CPEB4: variants seen among roughly 807,000 people sequenced by gnomAD.
CPEB4 encodes cytoplasmic polyadenylation element binding protein 4.
In CPEB4, 12 loss-of-function variants were observed where a neutral mutation model predicts 72.5. That is an observed-to-expected ratio of 0.17 (90% CI 0.11 to 0.27). CPEB4 has a LOEUF of 0.27. CPEB4 is among the 10% of genes least tolerant of loss of function. The probability of loss-of-function intolerance (pLI) is 1.00; values close to 1 mark genes in which losing one functional copy is unlikely to be tolerated. For synonymous variants in CPEB4, 302 were observed against 326.3 expected (o/e 0.93, Z 0.80); for missense variants, 614 against 908.5 (o/e 0.68, Z 4.17).
chr5:173,951,177 A>G (rs59755656), intron 7 of CPEB4, among the ~76,000 whole-genome samples: 35,874 of 152,060 alleles, frequency 0.24, 5,166 homozygotes, highest in Non-Finnish European at 0.31. Context: ...GTTGGTGTGC[A>G]TATTTGGGAA....
intron 1 of CPEB4, among the ~76,000 whole-genome samples, chr5:173,897,905 A>G (rs73806652): frequency 0.014 from 2,115 of 152,286 alleles, 53 homozygotes; most frequent in African/African-American, 0.047. Flanking sequence ...CTATGACAAA[A>G]TGGTACCACA....
intron 3 of CPEB4, among the ~76,000 whole-genome samples, chr5:173,934,101 C>T (rs1321329175): frequency 6.6e-6 from 1 of 152,068 alleles, no homozygotes; most frequent in East Asian, 1.9e-4. Flanking sequence ...GGGAGGATTG[C>T]TTGGGCCGAG....
intron 4 of CPEB4, among the ~76,000 whole-genome samples, chr5:173,944,744 C>G (rs1276771696): frequency 1.3e-5 from 2 of 152,138 alleles, no homozygotes; most frequent in African/African-American, 4.8e-5. Context: ...CAGTGGGATA[C>G]TTGAGTCGCC....
Position 173,958,982 on chromosome 5 carries a change from C to G in CPEB4, c.*2845C>G, listed in dbSNP as rs977972580. ...CTAATATTTACTTGTGATTGTGTGA[C>G]AAGTGTGTTTACAGATTATTGGTTA... On this transcript the variant is annotated 3_prime_UTR_variant, in exon 10 of 10. Transcript: ENST00000265085. 1 of 152,712 alleles carries G rather than the reference C, an allele frequency of 6.5e-6. No individual in the cohort carries two copies. Among genetic ancestry groups the G allele is most frequent in the African/African-American group, 2.4e-5 (1 of 41,428 alleles). The allele number at this position is 152,712 out of a possible 1,614,324, so 9.5% of individuals were successfully genotyped here.
chr5:173,917,130 T>C (rs915709215), intron 2 of CPEB4, among the ~76,000 whole-genome samples: 4 of 152,198 alleles, frequency 2.6e-5, no homozygotes, highest in African/African-American at 9.7e-5. Context: ...TGCTAAATTT[T>C]GTCACTTATT....
Position 173,943,108 on chromosome 5 carries a change from T to C in CPEB4, c.1282+59T>C. 3 of 1,543,954 alleles carry C rather than the reference T, an allele frequency of 1.9e-6. No individual in the cohort carries two copies. The South Asian group carries it at 3.5e-5, about 18-fold the overall frequency. On this transcript the variant is annotated intron_variant, in intron 4 of 9. Coordinates refer to ENST00000265085, the MANE Select transcript of CPEB4 (RefSeq NM_030627.4). The stretch of plus-strand genomic sequence containing the variant: ...TGTATTTGGAGACGACCCAAGCTTG[T>C]TTAATTTCTAACCTTTGTGGGGAAG...
intron 3 of CPEB4, among the ~76,000 whole-genome samples, chr5:173,937,723 C>T (rs1197412958): frequency 2.6e-5 from 4 of 152,084 alleles, no homozygotes; most frequent in Admixed American, 2.0e-4. Flanking sequence ...TTGTGTTTTT[C>T]ATTATTCTCT....
At chr5:173,903,849 A>G (rs1756327068) in intron 1 of CPEB4, among the ~76,000 whole-genome samples, 1 of 150,668 alleles carries the variant, frequency 6.6e-6, no homozygotes, top group South Asian at 2.1e-4. Context: ...TACTAAAAAC[A>G]AGGGTCCTCT....
At chr5:173,918,763 T>TA (rs1382300206) in intron 2 of CPEB4, among the ~76,000 whole-genome samples, 1 of 152,264 alleles carries the variant, frequency 6.6e-6, no homozygotes, top group Non-Finnish European at 1.5e-5. Context: ...CCCTTGTTTT[T>TA]ATTTGGTCTG....
chr5:173,907,760 A>G (rs1016485169), intron 1 of CPEB4, among the ~76,000 whole-genome samples: 1 of 152,234 alleles, frequency 6.6e-6, no homozygotes, highest in Non-Finnish European at 1.5e-5. Context: ...TTACATCATG[A>G]CACACATAGA....
intron 1 of CPEB4, among the ~76,000 whole-genome samples, chr5:173,901,474 A>G (rs1420716223): frequency 2.0e-5 from 3 of 152,214 alleles, no homozygotes; most frequent in Non-Finnish European, 1.5e-5. Context: ...GATAATTACC[A>G]CTTTAACTTT....
rs1478367354 is a variant in CPEB4, at chr5:173,944,984, C to T, written c.1300C>T (p.Pro434Ser). 6.2e-7 allele frequency: 1 copy of T among 1,612,568 alleles called. No homozygotes were observed. Among genetic ancestry groups the T allele is most frequent in the Admixed American group, 1.7e-5 (1 of 59,948 alleles). ...GRRRGQSSLF[P>S]MEDGFLDDGR... ...TATTCCAGGTCAGTCTTCACTGTTTCCAATGGAAGATGGATTCTTGGATGA... is the reference window on the plus strand; with the variant it reads ...TATTCCAGGTCAGTCTTCACTGTTTTCAATGGAAGATGGATTCTTGGATGA... The change falls in exon 5 of 10, where the codon CCA becomes TCA. Residue 434 changes from proline to serine, a missense_variant. Physicochemically the swap from Pro to Ser is moderately conservative, Grantham distance 74 (BLOSUM62 -1). This residue lies in a region of CPEB4 where 458 missense variants were observed against 548.6 expected (regional missense o/e 0.83). Transcript: ENST00000265085.
At chr5:173,916,693 G>A (rs922348517) in intron 2 of CPEB4, among the ~76,000 whole-genome samples, 1 of 152,114 alleles carries the variant, frequency 6.6e-6, no homozygotes, top group Non-Finnish European at 1.5e-5. Context: ...TTAAATGAGT[G>A]GGCAAGTGAT....
intron 2 of CPEB4, among the ~76,000 whole-genome samples, chr5:173,924,046 C>T (rs1432113574): frequency 1.3e-5 from 2 of 152,124 alleles, no homozygotes; most frequent in Non-Finnish European, 2.9e-5. Flanking sequence ...TTCGCACCTG[C>T]CCCGAGTTGT....
At chr5:173,933,611 G>A (rs1287462207) in intron 3 of CPEB4, among the ~76,000 whole-genome samples, 1 of 152,200 alleles carries the variant, frequency 6.6e-6, no homozygotes, top group Non-Finnish European at 1.5e-5. Flanking sequence ...AAACCCAGTG[G>A]CGACAGTGGC....
intron 2 of CPEB4, among the ~76,000 whole-genome samples, chr5:173,930,215 G>A (rs939930362): frequency 1.3e-4 from 20 of 152,154 alleles, no homozygotes; most frequent in Middle Eastern, 3.4e-3. Flanking sequence ...GCACCACCAC[G>A]CCTGGCTAAT....
At chr5:173,941,242 A>G (rs563929293) in intron 3 of CPEB4, among the ~76,000 whole-genome samples, 1 of 152,324 alleles carries the variant, frequency 6.6e-6, no homozygotes, top group Admixed American at 6.5e-5. Context: ...TTCGTAAACA[A>G]GCATCTGCTT....
At chr5:173,916,500 CTTTAT>C (rs1756874566) in intron 2 of CPEB4, among the ~76,000 whole-genome samples, 1 of 152,136 alleles carries the variant, frequency 6.6e-6, no homozygotes, top group Non-Finnish European at 1.5e-5. Context: ...TCATGCATCG[CTTTAT>C]TTTAAGAGCT....
chr5:173,931,243 C>T (rs1377505923), intron 2 of CPEB4, among the ~76,000 whole-genome samples: 2 of 152,138 alleles, frequency 1.3e-5, no homozygotes, highest in African/African-American at 2.4e-5. Context: ...AGCTCTGGTT[C>T]CCAGAGTATT....
Sources: gnomAD v4.1 joint callset for allele counts (sites outside exome capture counted in the v4.1 genomes callset) on GRCh38, gnomAD v4.1.1 for gene constraint, gnomAD v4.1.1 regional missense constraint, MANE v1.5 for transcripts, NCBI Gene and HGNC (gene_info 2026-07-23, HGNC 2026-07-21) for gene names.